Variants in CSMD1 observed in about 807,000 individuals in gnomAD.
CSMD1 encodes CUB and Sushi multiple domains 1, also known as CUB and sushi domain-containing protein 1.
CSMD1 carries 213 observed loss-of-function variants against 417.5 expected under a neutral mutation model. That is an observed-to-expected ratio of 0.51 (90% CI 0.46 to 0.57). CSMD1 has a LOEUF of 0.57. Among genes scored for constraint, CSMD1 ranks in the 20% least tolerant of loss-of-function variants. The pLI is 0.00. For synonymous variants in CSMD1, 2,862 were observed against 1,736.8 expected, an observed-to-expected ratio of 1.65 and a Z score of -16.11; for missense variants, 6,923 against 4,529.7, an observed-to-expected ratio of 1.53 and a Z score of -15.17.
At chr8:3,718,714 G>T (rs1416026249) in intron 6 of CSMD1, among the ~76,000 whole-genome samples, 3 of 152,142 alleles carry the variant, frequency 2.0e-5, no homozygotes, top group Non-Finnish European at 4.4e-5. Context: ...AGGGTAATTA[G>T]CATAAGATGC....
intron 1 of CSMD1, among the ~76,000 whole-genome samples, chr8:4,765,131 G>A (rs532693748): frequency 5.9e-5 from 9 of 152,170 alleles, no homozygotes; most frequent in African/African-American, 1.4e-4. Flanking sequence ...GTCTCCCTCT[G>A]ATGTTCACAC....
At chr8:3,971,091 T>C (rs984222447) in intron 5 of CSMD1, among the ~76,000 whole-genome samples, 1 of 152,160 alleles carries the variant, frequency 6.6e-6, no homozygotes, top group South Asian at 2.1e-4. Flanking sequence ...CGATGTCTGA[T>C]GACATAGAAC....
intron 2 of CSMD1, among the ~76,000 whole-genome samples, chr8:4,610,477 C>A (rs780463460): frequency 2.5e-4 from 38 of 152,202 alleles, no homozygotes; most frequent in Non-Finnish European, 2.8e-4. Flanking sequence ...GCTCCAGAAC[C>A]CAAGCTGAGA....
At chr8:3,967,842 T>C (rs17068263) in intron 5 of CSMD1, among the ~76,000 whole-genome samples, 2,518 of 151,966 alleles carry the variant, frequency 0.017, 66 homozygotes, top group African/African-American at 0.057. Flanking sequence ...AAGTAACTTA[T>C]GATGACAGCA....
At chr8:3,830,434 G>A (rs191380245) in intron 5 of CSMD1, among the ~76,000 whole-genome samples, 2 of 152,286 alleles carry the variant, frequency 1.3e-5, no homozygotes, top group African/African-American at 4.8e-5. Context: ...ATTATACGTT[G>A]ACTACTGTGA....
intron 6 of CSMD1, among the ~76,000 whole-genome samples, chr8:3,709,315 T>C (rs1048034899): frequency 6.6e-6 from 1 of 152,122 alleles, no homozygotes; most frequent in Admixed American, 6.6e-5. Flanking sequence ...CTACAGCAGC[T>C]GCGAGCAGGC....
rs1585300826 is a variant in CSMD1 at position 4,592,524 on chromosome 8, C to T, written c.302+44818G>A. Among the ~76,000 whole-genome samples, 6 of 151,862 alleles carry T rather than the reference C, an allele frequency of 4.0e-5. No individual in the cohort carries two copies. In the South Asian group the frequency reaches 1.2e-3, roughly 32 times the overall value. On this transcript the variant is annotated intron_variant, in intron 2 of 69. Coordinates refer to ENST00000635120, the MANE Select transcript of CSMD1 (RefSeq NM_033225.6). ...GCCTCAGCTTCCTGAGTAGCTAGAA[C>T]TACAGGGGCCGGCCACCACGCCCAG...
intron 1 of CSMD1, among the ~76,000 whole-genome samples, chr8:4,747,195 C>G (rs945698069): frequency 2.6e-5 from 4 of 152,166 alleles, no homozygotes; most frequent in Admixed American, 6.5e-5. Flanking sequence ...GTTTTCTTGT[C>G]TCTTGGAGAA....
At chr8:3,717,575 A>C (rs1156910495) in intron 6 of CSMD1, among the ~76,000 whole-genome samples, 1 of 152,196 alleles carries the variant, frequency 6.6e-6, no homozygotes, top group Non-Finnish European at 1.5e-5. Flanking sequence ...GAAAATTTTT[A>C]AATAATCAAG....
At chr8:4,800,257 C>G (rs1013110482) in intron 1 of CSMD1, among the ~76,000 whole-genome samples, 2 of 151,838 alleles carry the variant, frequency 1.3e-5, no homozygotes, top group Admixed American at 1.3e-4. Context: ...TAGCAAAACC[C>G]AATCGCAACT....
intron 1 of CSMD1, among the ~76,000 whole-genome samples, chr8:4,970,604 C>G (rs146541849): frequency 2.6e-5 from 4 of 151,902 alleles, no homozygotes; most frequent in Non-Finnish European, 5.9e-5. Flanking sequence ...AGAAATATCT[C>G]TACTCTTTAC....
At chr8:4,605,667 A>C (rs764422440) in intron 2 of CSMD1, among the ~76,000 whole-genome samples, 2 of 152,226 alleles carry the variant, frequency 1.3e-5, no homozygotes, top group Non-Finnish European at 2.9e-5. Flanking sequence ...ATAATGCTTT[A>C]ACATATACTT....
At chr8:4,122,320 T>C (rs1802529759) in intron 3 of CSMD1, among the ~76,000 whole-genome samples, 2 of 152,132 alleles carry the variant, frequency 1.3e-5, no homozygotes. Flanking sequence ...TGACCAAATA[T>C]TAAGGGATAT....
Position 4,303,912 on chromosome 8 carries a change from C to G in CSMD1, c.415+116041G>C, listed in dbSNP as rs1798115452. On this transcript the variant is annotated intron_variant, in intron 3 of 69. Coordinates refer to ENST00000635120, the MANE Select transcript of CSMD1 (RefSeq NM_033225.6). Reference sequence around the variant, plus strand: ...CCTTGTGATCTGCCTGCCTCAGCCTCTCAGTACTTTTCTAAAGAAAGGATA... The same window carrying G: ...CCTTGTGATCTGCCTGCCTCAGCCTGTCAGTACTTTTCTAAAGAAAGGATA... Among the ~76,000 whole-genome samples, 5 of 152,122 alleles carry G rather than the reference C, an allele frequency of 3.3e-5. No homozygotes were observed. In the South Asian group the frequency reaches 8.3e-4, roughly 25 times the overall value.
intron 46 of CSMD1, among the ~76,000 whole-genome samples, chr8:3,101,546 C>A (rs189920670): frequency 1.3e-5 from 2 of 152,024 alleles, no homozygotes; most frequent in African/African-American, 4.8e-5. Context: ...CCTCAGCCTC[C>A]GGAGTAGCTG....
intron 2 of CSMD1, among the ~76,000 whole-genome samples, chr8:4,421,435 A>G (rs569184008): frequency 2.0e-5 from 3 of 152,222 alleles, no homozygotes; most frequent in East Asian, 3.9e-4. Context: ...ATTCGAGGCC[A>G]TAAAACAAAC....
At position 3,836,822 on chromosome 8, in the gene CSMD1, T is replaced by C. The variant is rs141495873; in HGVS notation, c.819-82780A>G. Among the ~76,000 whole-genome samples, 497 of 152,322 alleles carry C rather than the reference T, an allele frequency of 3.3e-3. 3 individuals are homozygous for C. The highest frequency in any genetic ancestry group is 0.012 in the African/African-American group (488 of 41,574). ...TCTTCTCACAGTTTAAATAATTTTATAACTCAATTAAATATGTTAATATTT... is the reference window on the plus strand; with the variant it reads ...TCTTCTCACAGTTTAAATAATTTTACAACTCAATTAAATATGTTAATATTT... On this transcript the variant is annotated intron_variant, in intron 5 of 69. Transcript: ENST00000635120.
chr8:4,167,253 G>C (rs753520267), intron 3 of CSMD1, among the ~76,000 whole-genome samples: 16 of 151,992 alleles, frequency 1.1e-4, no homozygotes, highest in Admixed American at 2.0e-4. Flanking sequence ...TCGAAGGTGA[G>C]AAAAACAGTT....
chr8:4,667,945 A>C (rs1401480396), intron 1 of CSMD1, among the ~76,000 whole-genome samples: 1 of 152,222 alleles, frequency 6.6e-6, no homozygotes, highest in Non-Finnish European at 1.5e-5. Flanking sequence ...ACGTCTTTGA[A>C]ACAATTCTTT....
Sources: allele counts gnomAD v4.1 joint callset (sites outside exome capture counted in the v4.1 genomes callset), GRCh38; gene constraint gnomAD v4.1.1; transcripts MANE v1.5; gene names NCBI Gene and HGNC (gene_info 2026-07-23, HGNC 2026-07-21).